Variants in SORCS2 observed in about 807,000 individuals in gnomAD.
SORCS2 encodes the protein VPS10 domain-containing receptor SorCS2.
SORCS2 carries 100 observed loss-of-function variants against 141.6 expected under a neutral mutation model. That is an observed-to-expected ratio of 0.71 (90% CI 0.60 to 0.83). SORCS2 has a LOEUF of 0.83. Ranked by LOEUF, SORCS2 falls within the 40% of genes least tolerant of loss-of-function variation. The pLI is 0.00. For missense variants in SORCS2, 1,646 were observed against 1,560.2 expected (o/e 1.05, Z -0.93); for synonymous variants, 789 against 676.9 (o/e 1.17, Z -2.57).
intron 25 of SORCS2, among the ~76,000 whole-genome samples, chr4:7,734,975 T>C (rs1263514687): frequency 6.6e-6 from 1 of 152,232 alleles, no homozygotes; most frequent in East Asian, 1.9e-4. Flanking sequence ...TTCATACCTC[T>C]CTTTCCTTCT....
chr4:7,508,073 C>T (rs1380024992), intron 2 of SORCS2, among the ~76,000 whole-genome samples: 11 of 151,958 alleles, frequency 7.2e-5, no homozygotes, highest in Admixed American at 6.6e-4. Context: ...CGCGTGTCTG[C>T]GAGCCTGGAG....
intron 26 of SORCS2, among the ~76,000 whole-genome samples, chr4:7,739,953 C>T (rs1030643754): frequency 3.9e-5 from 6 of 152,172 alleles, no homozygotes; most frequent in African/African-American, 7.2e-5. Flanking sequence ...GGGTTGGGGC[C>T]GGCCTGGGCC....
chr4:7,273,875 T>C (rs968573679), intron 1 of SORCS2, among the ~76,000 whole-genome samples: 1 of 152,192 alleles, frequency 6.6e-6, no homozygotes, highest in African/African-American at 2.4e-5. Flanking sequence ...GCCCCAGGGA[T>C]TGGTTCAGAA....
chr4:7,537,328 T>G (rs1042186264), intron 3 of SORCS2, among the ~76,000 whole-genome samples: 4 of 151,958 alleles, frequency 2.6e-5, no homozygotes, highest in Non-Finnish European at 4.4e-5. Context: ...CTGGGAAGAG[T>G]AGCAGCCATG....
At chr4:7,296,141 G>A (rs1036198765) in intron 1 of SORCS2, among the ~76,000 whole-genome samples, 1 of 152,188 alleles carries the variant, frequency 6.6e-6, no homozygotes, top group African/African-American at 2.4e-5. Flanking sequence ...CCTGCTGGTC[G>A]CCCCATGCTG....
chr4:7,690,677 G>A (rs1724187345), intron 11 of SORCS2, among the ~76,000 whole-genome samples: 1 of 152,114 alleles, frequency 6.6e-6, no homozygotes, highest in Admixed American at 6.5e-5. Flanking sequence ...TGGATGGATG[G>A]ATGACGAATG....
At chr4:7,396,397 G>A (rs756612038) in intron 2 of SORCS2, 42 bp downstream of exon 2, 11 of 1,600,562 alleles carry the variant, frequency 6.9e-6, no homozygotes, top group East Asian at 2.2e-5. Context: ...ATGCACCTGC[G>A]TGCCATCTTC....
intron 3 of SORCS2, among the ~76,000 whole-genome samples, chr4:7,633,353 G>A (rs1720022285): frequency 6.6e-6 from 1 of 152,126 alleles, no homozygotes; most frequent in African/African-American, 2.4e-5. Context: ...CTTGCCTTTG[G>A]GGTCATGCCG....
At chr4:7,223,681 G>A (rs77027479) in intron 1 of SORCS2, among the ~76,000 whole-genome samples, 184 of 152,198 alleles carry the variant, frequency 1.2e-3, no homozygotes, top group Non-Finnish European at 2.1e-3. Context: ...AGCATGGCCC[G>A]TGTGTGCTTA....
At chr4:7,576,308 C>A (rs1014533349) in intron 3 of SORCS2, among the ~76,000 whole-genome samples, 2 of 152,192 alleles carry the variant, frequency 1.3e-5, no homozygotes, top group Non-Finnish European at 2.9e-5. Flanking sequence ...TACTAATGAG[C>A]AATTGCATCC....
At chr4:7,532,323 A>T (rs1711732768) in intron 3 of SORCS2, among the ~76,000 whole-genome samples, 1 of 152,174 alleles carries the variant, frequency 6.6e-6, no homozygotes, top group Non-Finnish European at 1.5e-5. Flanking sequence ...CAGTGTTTGC[A>T]TCCCAGCTCC....
At position 7,572,078 on chromosome 4, in the gene SORCS2, C is replaced by G. The variant is rs1041529282; in HGVS notation, c.648+40449C>G. On this transcript the variant is annotated intron_variant, in intron 3 of 26. Coordinates refer to ENST00000507866, the MANE Select transcript of SORCS2 (RefSeq NM_020777.3). ...TTTGATCAAAGCATCCTCATCTTCT[C>G]TCTGCCATCTCATGCTCCGTGAAAT... is the stretch of plus-strand genomic sequence containing the variant. Among the ~76,000 whole-genome samples the G allele has an allele frequency of 2.0e-5, 3 of 152,220 alleles. No homozygotes were observed. In the East Asian group the frequency reaches 5.8e-4, roughly 29 times the overall value.
At chr4:7,554,004 A>T (rs530843937) in intron 3 of SORCS2, among the ~76,000 whole-genome samples, 1 of 152,222 alleles carries the variant, frequency 6.6e-6, no homozygotes, top group Non-Finnish European at 1.5e-5. Context: ...ATGCAAGGAA[A>T]ACAGCCATGG....
intron 1 of SORCS2, among the ~76,000 whole-genome samples, chr4:7,367,280 G>A (rs1721955662): frequency 6.6e-6 from 1 of 152,222 alleles, no homozygotes; most frequent in Non-Finnish European, 1.5e-5. Flanking sequence ...ACTTGAGTGT[G>A]TCCAGAGAAT....
intron 3 of SORCS2, among the ~76,000 whole-genome samples, chr4:7,560,933 G>A (rs1214476354): frequency 6.6e-6 from 1 of 152,176 alleles, no homozygotes; most frequent in Non-Finnish European, 1.5e-5. Context: ...AGCGAGATGG[G>A]ATGGAACACT....
At chr4:7,725,847 C>T (rs148686940) in intron 20 of SORCS2, among the ~76,000 whole-genome samples, 1 of 152,360 alleles carries the variant, frequency 6.6e-6, no homozygotes, top group Non-Finnish European at 1.5e-5. Context: ...GGCAGGAAGC[C>T]CCCTACCAGC....
At chr4:7,432,628 G>A (rs749552204) in intron 2 of SORCS2, 1 of 152,138 alleles carries the variant, frequency 6.6e-6, no homozygotes, top group Non-Finnish European at 1.5e-5. Flanking sequence ...CTCATTACCA[G>A]GGCAGCGGAG....
intron 3 of SORCS2, among the ~76,000 whole-genome samples, chr4:7,635,943 C>T (rs530100420): frequency 6.6e-6 from 1 of 152,346 alleles, no homozygotes; most frequent in African/African-American, 2.4e-5. Context: ...TCTATGGGAT[C>T]ACCATTCATT....
At chr4:7,668,798 C>T (rs539145401) in intron 8 of SORCS2, among the ~76,000 whole-genome samples, 46 of 152,284 alleles carry the variant, frequency 3.0e-4, no homozygotes, top group African/African-American at 1.1e-3. Context: ...AGCCTTCCCT[C>T]GACCTTTGGG....
Sources: gnomAD v4.1 joint callset for allele counts (sites outside exome capture counted in the v4.1 genomes callset) on GRCh38, gnomAD v4.1.1 for gene constraint, MANE v1.5 for transcripts, NCBI Gene and HGNC (gene_info 2026-07-23, HGNC 2026-07-21) for gene names.